ESR2: variants seen among roughly 807,000 people sequenced by gnomAD.
ESR2 encodes estrogen receptor beta.
In ESR2, 36 loss-of-function variants were observed where a neutral mutation model predicts 49.6. The ratio of observed to expected loss-of-function variants is 0.73; its 90% CI spans 0.56 to 0.96. The LOEUF (loss-of-function observed/expected upper bound fraction) is 0.96. Ranked by LOEUF, ESR2 falls within the 40% of genes least tolerant of loss-of-function variation. The pLI, the probability that ESR2 is intolerant of heterozygous loss-of-function variation, is 0.00. For missense variants in ESR2, 714 were observed against 693.0 expected (o/e 1.03, Z -0.34); for synonymous variants, 320 against 266.1 (o/e 1.20, Z -1.97).
chr14:64,293,438 T>G (rs986712688), intron 1 of ESR2, among the ~76,000 whole-genome samples: 1 of 152,206 alleles, frequency 6.6e-6, no homozygotes, highest in Non-Finnish European at 1.5e-5. Flanking sequence ...TAAATAGAAG[T>G]CCACTCAAAG....
At chr14:64,237,424 T>G (rs1419198213) in intron 7 of ESR2, among the ~76,000 whole-genome samples, 1 of 152,216 alleles carries the variant, frequency 6.6e-6, no homozygotes, top group African/African-American at 2.4e-5. Flanking sequence ...AAGTACTTCC[T>G]TTTAACTACC....
At position 64,260,755 on chromosome 14, in the gene ESR2, AG is replaced by A; in HGVS notation, c.653-8del. 2.1e-6 allele frequency: 3 copies of A among 1,463,082 alleles called. No individual in the cohort carries two copies. Among genetic ancestry groups the A allele is most frequent in the Non-Finnish European group, 2.7e-6 (3 of 1,107,000 alleles). 90.6% of individuals were successfully genotyped at this position (1,463,082 alleles called of 1,614,324 possible). A position where few individuals can be genotyped will look rare whatever the true frequency, so the allele number is the denominator to read the frequency against. On this transcript the variant is annotated splice_region_variant and splice_polypyrimidine_tract_variant and intron_variant, in intron 4 of 8. Coordinates refer to ENST00000341099, the MANE Select transcript of ESR2 (RefSeq NM_001437.3). ...CATCTCTCTCTCCGGGAGCCTGAAG[AG>A]GAAAGCAGAGTCATTCGAATTGCCA...
At chr14:64,300,033 G>A (rs371568224) in intron 1 of ESR2, among the ~76,000 whole-genome samples, 10 of 152,126 alleles carry the variant, frequency 6.6e-5, no homozygotes, top group East Asian at 5.8e-4. Context: ...CCTGCTCCAC[G>A]TATTCTACCA....
At chr14:64,301,875 T>C (rs2140866907) in intron 1 of ESR2, among the ~76,000 whole-genome samples, 1 of 152,268 alleles carries the variant, frequency 6.6e-6, no homozygotes, top group African/African-American at 2.4e-5. Flanking sequence ...ATCCTCAGAT[T>C]GAAGGACTTC....
intron 6 of ESR2, 111 bp from the exon 7 acceptor site, chr14:64,249,790 CTGA>C (rs2075953722): frequency 9.2e-7 from 1 of 1,085,816 alleles, no homozygotes. Flanking sequence ...ACATGTTCAT[CTGA>C]TAATATCATT....
intron 7 of ESR2, among the ~76,000 whole-genome samples, chr14:64,237,277 A>G (rs2075624730): frequency 1.3e-5 from 2 of 152,016 alleles, no homozygotes; most frequent in Non-Finnish European, 2.9e-5. Flanking sequence ...TATTTTTTTT[A>G]GCCAAACACA....
At chr14:64,272,858 T>C (rs972704767) in intron 3 of ESR2, among the ~76,000 whole-genome samples, 1 of 152,206 alleles carries the variant, frequency 6.6e-6, no homozygotes, top group Admixed American at 6.5e-5. Context: ...CTGGATCTTT[T>C]GTGGTTCCAT....
chr14:64,281,384 T>C (rs2076663797), intron 2 of ESR2, among the ~76,000 whole-genome samples: 1 of 152,072 alleles, frequency 6.6e-6, no homozygotes, highest in African/African-American at 2.4e-5. Flanking sequence ...GCCCAAAAAT[T>C]AGCAGAACTT....
chr14:64,322,626 C>T (rs966118628), intron 1 of ESR2, among the ~76,000 whole-genome samples: 14 of 150,318 alleles, frequency 9.3e-5, no homozygotes, highest in Admixed American at 8.0e-4. Context: ...ACCCAACTAA[C>T]AACAAAAAAG....
chr14:64,253,410 C>T (rs973632064), intron 6 of ESR2, among the ~76,000 whole-genome samples: 1 of 150,978 alleles, frequency 6.6e-6, no homozygotes, highest in Admixed American at 6.6e-5. Flanking sequence ...AGGCTTGTCT[C>T]GAACTCCTGA....
intron 1 of ESR2, among the ~76,000 whole-genome samples, chr14:64,331,564 C>G (rs902201193): frequency 2.2e-4 from 34 of 152,116 alleles, no homozygotes; most frequent in Admixed American, 2.2e-3. Context: ...CAGTGGCTCA[C>G]GCTGGTAATC....
chr14:64,305,322 A>G (rs1381848414), intron 1 of ESR2, among the ~76,000 whole-genome samples: 2 of 149,898 alleles, frequency 1.3e-5, no homozygotes, highest in East Asian at 3.9e-4. Flanking sequence ...ATTAATAGGC[A>G]ACATTTTAAA....
chr14:64,260,298 C>T (rs989663110), intron 5 of ESR2, 151 bp downstream of exon 5: 65 of 826,064 alleles, frequency 7.9e-5, no homozygotes, highest in Non-Finnish European at 1.3e-4. Context: ...AAGGAAGGAA[C>T]ATATTGCACT....
chr14:64,313,797 T>C (rs942394554), intron 1 of ESR2, among the ~76,000 whole-genome samples: 12 of 149,094 alleles, frequency 8.0e-5, no homozygotes, highest in South Asian at 2.1e-4. Context: ...GAGAATGGCA[T>C]GAACCCAGGA....
Position 64,282,835 on chromosome 14 carries a change from G to T in ESR2, c.151C>A (p.Pro51Thr), listed in dbSNP as rs749093040. 1.2e-6 allele frequency: 2 copies of T among 1,614,160 alleles called. No homozygotes were observed. The highest frequency in any genetic ancestry group is 1.7e-6 in the Non-Finnish European group (2 of 1,179,994). The change falls in exon 2 of 9, where the codon CCT (proline) becomes ACT (threonine). Residue 51 changes from proline to threonine, a missense_variant. Pro to Thr is a conservative substitution (Grantham distance 38, BLOSUM62 -1). Transcript: ENST00000341099. ...HEYPAMTFYS[P>T]AVMNYSIPSN... is the part of the protein sequence containing the mutation. ...GGAATGCTGTAATTCATCACAGCAG[G>T]GCTATAGAATGTCATGGCTGGATAT...
intron 4 of ESR2, among the ~76,000 whole-genome samples, chr14:64,264,573 A>T (rs1355409805): frequency 2.6e-5 from 4 of 152,166 alleles, no homozygotes; most frequent in African/African-American, 9.7e-5. Context: ...GTATAGTTTT[A>T]AAAAGCACCT....
chr14:64,316,011 T>C (rs1321401631), intron 1 of ESR2, among the ~76,000 whole-genome samples: 1 of 151,924 alleles, frequency 6.6e-6, no homozygotes, highest in African/African-American at 2.4e-5. Context: ...ATAATTTATT[T>C]TTACTTTTTT....
chr14:64,249,769 T>C lies in ESR2; in HGVS notation c.1092-90A>G, dbSNP rs552606338. ...GAATGTTTTATTTTTAATCTCAAGT[T>C]TCATCTTGTAACATGTTCATCTGAT... is the stretch of plus-strand genomic sequence containing the variant. On this transcript the variant is annotated intron_variant, in intron 6 of 8. Transcript: ENST00000341099. 3.7e-6 allele frequency: 5 copies of C among 1,343,068 alleles called. No individual in the cohort carries two copies. In the African/African-American group the frequency reaches 7.3e-5, roughly 20 times the overall value. 83.2% of individuals were successfully genotyped at this position (1,343,068 alleles called of 1,614,324 possible).
intron 1 of ESR2, among the ~76,000 whole-genome samples, chr14:64,328,051 CAAAAAA>C (rs748229456): frequency 1.3e-4 from 11 of 87,128 alleles, no homozygotes; most frequent in Non-Finnish European, 1.7e-4. Context: ...ACTAAAAATA[CAAAAAA>C]AAAAAAAAAA....
Sources: allele counts gnomAD v4.1 joint callset (sites outside exome capture counted in the v4.1 genomes callset), GRCh38; gene constraint gnomAD v4.1.1; transcripts MANE v1.5; gene names NCBI Gene and HGNC (gene_info 2026-07-23, HGNC 2026-07-21).